RANBP2: variants seen among roughly 807,000 people sequenced by gnomAD.
The protein encoded by RANBP2 is RAN binding protein 2.
In RANBP2, 57 loss-of-function variants were observed where a neutral mutation model predicts 303.6. The ratio of observed to expected loss-of-function variants is 0.19; its 90% CI spans 0.15 to 0.23. RANBP2 has a LOEUF of 0.23. RANBP2 is among the 10% of genes least tolerant of loss of function. The pLI, the probability that RANBP2 is intolerant of heterozygous loss-of-function variation, is 1.00. For missense variants in RANBP2, 3,138 were observed against 3,780.8 expected, an observed-to-expected ratio of 0.83 and a Z score of 4.46; for synonymous variants, 1,167 against 1,301.5, an observed-to-expected ratio of 0.90 and a Z score of 2.23.
intron 18 of RANBP2, among the ~76,000 whole-genome samples, chr2:108,761,627 A>G (rs1676737631): frequency 6.6e-6 from 1 of 152,108 alleles, no homozygotes; most frequent in South Asian, 2.1e-4. Context: ...TGAATTTGTC[A>G]GGTGATTTTT....
the RANBP2 span, among the ~76,000 whole-genome samples, chr2:109,599,319 G>A: frequency 6.6e-6 from 1 of 152,034 alleles, no homozygotes; most frequent in Non-Finnish European, 1.5e-5. Flanking sequence ...TTAGCCAGGC[G>A]TGGTGGTGTG....
chr2:109,734,431 G>C, the RANBP2 span, among the ~76,000 whole-genome samples: 1 of 151,894 alleles, frequency 6.6e-6, no homozygotes, highest in East Asian at 1.9e-4. Flanking sequence ...TAACTGAAGA[G>C]GTGAAAGATT....
chr2:109,708,936 A>G, the RANBP2 span, among the ~76,000 whole-genome samples: 24 of 151,854 alleles, frequency 1.6e-4, no homozygotes, highest in African/African-American at 5.6e-4. Context: ...GAGATTGTGC[A>G]GTTGCACTCC....
the RANBP2 span, among the ~76,000 whole-genome samples, chr2:108,886,016 G>A: frequency 6.6e-6 from 1 of 152,124 alleles, no homozygotes; most frequent in Admixed American, 6.5e-5. Context: ...TCCGCTGATG[G>A]GCACTTAGTT....
In RANBP2 at chr2:108,753,821, A is replaced by T. The variant is rs372329184; in HGVS notation, c.2056-4A>T. 6 of 1,611,860 alleles carry T rather than the reference A, an allele frequency of 3.7e-6. No homozygotes were observed. The highest frequency in any genetic ancestry group is 5.1e-6 in the Non-Finnish European group (6 of 1,179,846). On this transcript the variant is annotated splice_polypyrimidine_tract_variant and splice_region_variant and intron_variant, in intron 14 of 28. Transcript: ENST00000283195. ...ATGATTTCATAAAAGCACTATTTGT[A>T]TAGATTTTTCACAGGAAGGCAGAAG...
the RANBP2 span, among the ~76,000 whole-genome samples, chr2:109,116,095 G>A: frequency 6.6e-6 from 1 of 152,222 alleles, no homozygotes; most frequent in East Asian, 1.9e-4. Context: ...TGGTGAATCT[G>A]ACAATTATGT....
At chr2:108,876,041 ACT>A in the RANBP2 span, 5 of 1,253,166 alleles carry the variant, frequency 4.0e-6, no homozygotes, top group Middle Eastern at 2.4e-4. Flanking sequence ...TTGCAGATAA[ACT>A]CTCTAAGTAT....
chr2:109,175,029 G>A, the RANBP2 span, among the ~76,000 whole-genome samples: 1 of 152,166 alleles, frequency 6.6e-6, no homozygotes, highest in Admixed American at 6.5e-5. Context: ...GCTTCCTTGA[G>A]TAGCCTTTAT....
At chr2:109,147,711 C>A in the RANBP2 span, among the ~76,000 whole-genome samples, 1 of 152,104 alleles carries the variant, frequency 6.6e-6, no homozygotes, top group Non-Finnish European at 1.5e-5. Context: ...GGTCTTAGGG[C>A]ACTTTGGTTT....
At chr2:109,416,064 G>A in the RANBP2 span, among the ~76,000 whole-genome samples, 1 of 152,198 alleles carries the variant, frequency 6.6e-6, no homozygotes, top group Non-Finnish European at 1.5e-5. Context: ...GTCACCAGAA[G>A]TGGCCATGCA....
the RANBP2 span, among the ~76,000 whole-genome samples, chr2:108,985,829 G>A: frequency 2.0e-5 from 3 of 152,208 alleles, no homozygotes; most frequent in East Asian, 1.9e-4. Context: ...GGAACAATTG[G>A]TGACCTTTCT....
At chr2:108,833,881 C>T in the RANBP2 span, among the ~76,000 whole-genome samples, 5 of 146,694 alleles carry the variant, frequency 3.4e-5, no homozygotes, top group Non-Finnish European at 7.4e-5. Flanking sequence ...GCGCCCGCTA[C>T]CACGCCCGGC....
At chr2:109,100,805 T>C in the RANBP2 span, among the ~76,000 whole-genome samples, 1 of 152,070 alleles carries the variant, frequency 6.6e-6, no homozygotes, top group South Asian at 2.1e-4. Context: ...AGTCCAGAAA[T>C]TCATGGTTTA....
chr2:108,747,694 C>T (rs1025659140), intron 8 of RANBP2, among the ~76,000 whole-genome samples: 5 of 151,970 alleles, frequency 3.3e-5, no homozygotes, highest in Non-Finnish European at 5.9e-5. Context: ...CTGGGCATCC[C>T]GAGGGTGCCT....
At chr2:109,668,391 TA>T in the RANBP2 span, among the ~76,000 whole-genome samples, 1 of 152,102 alleles carries the variant, frequency 6.6e-6, no homozygotes, top group Admixed American at 6.6e-5. Flanking sequence ...AAAAATACAA[TA>T]AAATCATCAC....
chr2:109,634,975 C>T, the RANBP2 span, among the ~76,000 whole-genome samples: 1 of 152,038 alleles, frequency 6.6e-6, no homozygotes, highest in Admixed American at 6.6e-5. Flanking sequence ...TAGGCTGTGG[C>T]AAAAGCCTAA....
the RANBP2 span, among the ~76,000 whole-genome samples, chr2:109,365,239 A>G: frequency 6.6e-6 from 1 of 152,126 alleles, no homozygotes; most frequent in Non-Finnish European, 1.5e-5. Context: ...GACTTAGTGG[A>G]GCTGCTCCTT....
At chr2:109,665,111 C>T in the RANBP2 span, 3 of 152,140 alleles carry the variant, frequency 2.0e-5, no homozygotes, top group African/African-American at 7.2e-5. Flanking sequence ...ATACATACTA[C>T]CAGCTTGGGA....
chr2:109,139,642 A>G, the RANBP2 span, among the ~76,000 whole-genome samples: 1 of 152,182 alleles, frequency 6.6e-6, no homozygotes, highest in African/African-American at 2.4e-5. Context: ...TGACTTGTGT[A>G]CAGTAACAAG....
Sources: gnomAD v4.1 joint callset for allele counts (sites outside exome capture counted in the v4.1 genomes callset) on GRCh38, gnomAD v4.1.1 for gene constraint, MANE v1.5 for transcripts, NCBI Gene and HGNC (gene_info 2026-07-23, HGNC 2026-07-21) for gene names.